The following APPBP2 variants were observed in gnomAD, a reference collection of about 807,000 sequenced individuals.
APPBP2 encodes amyloid beta precursor protein binding protein 2.
APPBP2 carries 15 observed loss-of-function variants against 76.0 expected under a neutral mutation model. The observed-to-expected ratio is 0.20, with a 90% CI of 0.13 to 0.30. APPBP2 has a LOEUF of 0.30. APPBP2 is among the 10% of genes least tolerant of loss of function. The probability of loss-of-function intolerance (pLI) is 1.00; values close to 1 mark genes in which losing one functional copy is unlikely to be tolerated. For missense variants in APPBP2, 401 were observed against 687.2 expected, an observed-to-expected ratio of 0.58 and a Z score of 4.66; for synonymous variants, 222 against 242.2, an observed-to-expected ratio of 0.92 and a Z score of 0.77.
intron 4 of APPBP2, 46 bp from the exon 5 acceptor site, chr17:60,466,505 T>G (rs2090512815): frequency 6.4e-7 from 1 of 1,566,020 alleles, no homozygotes; most frequent in African/African-American, 1.3e-5. Flanking sequence ...ATTTTCAGCT[T>G]GGTAGACCTG....
intron 1 of APPBP2, among the ~76,000 whole-genome samples, chr17:60,522,024 C>T (rs562152141): frequency 6.6e-6 from 1 of 152,288 alleles, no homozygotes; most frequent in African/African-American, 2.4e-5. Context: ...ACTATACCAT[C>T]TAGGCTTGTG....
At position 60,445,152 on chromosome 17, in the gene APPBP2, A is replaced by C. The variant is rs1000709161; in HGVS notation, c.*2429T>G. ...AGTCATATCCCTAACCAAAATGGCAATGTTTTCTTAAGCTAGAGTGTATGC... is the reference window on the plus strand; with the variant it reads ...AGTCATATCCCTAACCAAAATGGCACTGTTTTCTTAAGCTAGAGTGTATGC... On this transcript the variant is annotated 3_prime_UTR_variant, in exon 13 of 13. Coordinates refer to ENST00000083182, the MANE Select transcript of APPBP2 (RefSeq NM_006380.5). 18 of 152,498 alleles carry C rather than the reference A, an allele frequency of 1.2e-4. No homozygotes were observed. The highest frequency in any genetic ancestry group is 3.8e-4 in the African/African-American group (16 of 41,572). The allele number at this position is 152,498 out of a possible 1,614,324, so 9.4% of individuals were successfully genotyped here.
chr17:60,482,518 T>G (rs1197991424), intron 3 of APPBP2, among the ~76,000 whole-genome samples: 1 of 152,190 alleles, frequency 6.6e-6, no homozygotes, highest in Non-Finnish European at 1.5e-5. Flanking sequence ...ATGTGCCATG[T>G]TGGTTTGCTG....
intron 1 of APPBP2, among the ~76,000 whole-genome samples, chr17:60,524,760 T>C (rs1019590632): frequency 6.6e-6 from 1 of 152,100 alleles, no homozygotes; most frequent in African/African-American, 2.4e-5. Context: ...AACTTACAGA[T>C]CAAGAGGAAG....
chr17:60,464,338 A>G (rs1248542818), intron 5 of APPBP2, among the ~76,000 whole-genome samples: 2 of 152,230 alleles, frequency 1.3e-5, no homozygotes, highest in African/African-American at 2.4e-5. Context: ...GATACATGAC[A>G]TATCTTCTGG....
chr17:60,497,993 A>G (rs1178256746), intron 2 of APPBP2, among the ~76,000 whole-genome samples: 1 of 151,894 alleles, frequency 6.6e-6, no homozygotes, highest in Non-Finnish European at 1.5e-5. Context: ...ACAAAAAATT[A>G]CCCAGGCGTG....
chr17:60,519,490 G>A (rs1002386442), intron 1 of APPBP2, among the ~76,000 whole-genome samples: 1 of 149,190 alleles, frequency 6.7e-6, no homozygotes, highest in Non-Finnish European at 1.5e-5. Flanking sequence ...ATCTCCTACA[G>A]AAAGGAGAAA....
chr17:60,480,157 C>T (rs2090618445), intron 3 of APPBP2, among the ~76,000 whole-genome samples: 1 of 152,136 alleles, frequency 6.6e-6, no homozygotes, highest in Non-Finnish European at 1.5e-5. Context: ...ATTAAAAAAT[C>T]TCTGAAATTA....
At chr17:60,498,582 CAT>C (rs760732533) in intron 2 of APPBP2, among the ~76,000 whole-genome samples, 23 of 151,670 alleles carry the variant, frequency 1.5e-4, no homozygotes, top group Non-Finnish European at 1.2e-4. Flanking sequence ...AATAAAACAC[CAT>C]ATATATATAC....
At position 60,456,281 on chromosome 17, in the gene APPBP2, G is replaced by C. The variant is rs1161644746; in HGVS notation, c.1147+15C>G. 1.3e-6 allele frequency: 2 copies of C among 1,525,096 alleles called. No homozygotes were observed. Among genetic ancestry groups the C allele is most frequent in the Admixed American group, 1.7e-5 (1 of 59,580 alleles). The allele number at this position is 1,525,096 out of a possible 1,614,324, so 94.5% of individuals were successfully genotyped here. A position where few individuals can be genotyped will look rare whatever the true frequency, so the allele number is the denominator to read the frequency against. ...ATCTATTTTAAAATATCTGAGACTAGATTACAAAGGATACCTTTCACCCTC... is the reference window on the plus strand; with the variant it reads ...ATCTATTTTAAAATATCTGAGACTACATTACAAAGGATACCTTTCACCCTC... On this transcript the variant is annotated intron_variant, in intron 10 of 12. Transcript: ENST00000083182.
chr17:60,471,590 T>C lies in APPBP2; in HGVS notation c.504-5131A>G, dbSNP rs543981440. ...ACTGAGATAACTGGGTTTTTTTTTT[T>C]TCCCTTCATCCTATTAACATGGTGT... is the stretch of plus-strand genomic sequence containing the variant. On this transcript the variant is annotated intron_variant, in intron 4 of 12. Coordinates refer to ENST00000083182, the MANE Select transcript of APPBP2 (RefSeq NM_006380.5). Among the ~76,000 whole-genome samples, 94 of 152,296 alleles carry C rather than the reference T, an allele frequency of 6.2e-4. No homozygotes were observed. In the Middle Eastern group the frequency reaches 0.034, roughly 55 times the overall value.
At chr17:60,506,919 C>T (rs1003890733) in intron 1 of APPBP2, among the ~76,000 whole-genome samples, 1 of 152,020 alleles carries the variant, frequency 6.6e-6, no homozygotes, top group Non-Finnish European at 1.5e-5. Context: ...GCCTGTAGTC[C>T]CAGCTACTTG....
In APPBP2 at chr17:60,449,446, A is replaced by T. The variant is rs868332641; in HGVS notation, c.1505-1612T>A. Among the ~76,000 whole-genome samples the T allele has an allele frequency of 6.6e-5, 10 of 152,240 alleles. 1 individual carries two copies. Among genetic ancestry groups the T allele is most frequent in the Middle Eastern group, 3.4e-3 (1 of 294 alleles). On this transcript the variant is annotated intron_variant, in intron 12 of 12. Transcript: ENST00000083182. Reference sequence around the variant, plus strand: ...GCCTCTACTAAAAAAATACAAAAAAATTATCCAGGTGTGGTGGTGTGCATC... The same window carrying T: ...GCCTCTACTAAAAAAATACAAAAAATTTATCCAGGTGTGGTGGTGTGCATC...
rs111398657 is a variant in APPBP2 at position 60,479,921 on chromosome 17, G to A, written c.380-650C>T. On this transcript the variant is annotated intron_variant, in intron 3 of 12. Transcript: ENST00000083182. ...CTTCGACTTAAATAACTGCCCCAAC[G>A]TAACAGATGAAAACACTTGAGTCAC... is the stretch of plus-strand genomic sequence containing the variant. 9.7e-4 allele frequency among the ~76,000 whole-genome samples: 148 copies of A among 152,174 alleles called. 1 individual carries two copies. Among genetic ancestry groups the A allele is most frequent in the South Asian group, 3.1e-3 (15 of 4,816 alleles).
At chr17:60,484,244 G>C (rs140771627) in intron 3 of APPBP2, among the ~76,000 whole-genome samples, 8,289 of 152,174 alleles carry the variant, frequency 0.054, 735 homozygotes, top group African/African-American at 0.19. Context: ...CTTTAGAGTA[G>C]TTTTTTCCAA....
intron 3 of APPBP2, among the ~76,000 whole-genome samples, chr17:60,485,955 T>C (rs918692995): frequency 1.3e-5 from 2 of 152,226 alleles, no homozygotes; most frequent in Non-Finnish European, 2.9e-5. Flanking sequence ...TTTCGTTATT[T>C]ACCCAGTAGT....
At chr17:60,525,281 T>C (rs1047682769) in intron 1 of APPBP2, among the ~76,000 whole-genome samples, 2 of 152,116 alleles carry the variant, frequency 1.3e-5, no homozygotes, top group Non-Finnish European at 2.9e-5. Context: ...CAATAATCCC[T>C]AACTCCTTCC....
chr17:60,471,366 G>C (rs1019272309), intron 4 of APPBP2, among the ~76,000 whole-genome samples: 1 of 152,114 alleles, frequency 6.6e-6, no homozygotes, highest in African/African-American at 2.4e-5. Context: ...TACCACTAGT[G>C]AAAGCAGGCA....
chr17:60,483,191 T>C (rs139774355), intron 3 of APPBP2, among the ~76,000 whole-genome samples: 144 of 152,362 alleles, frequency 9.5e-4, no homozygotes, highest in African/African-American at 3.3e-3. Flanking sequence ...ATGATGAGTA[T>C]TTTTTCATGT....
Sources: allele counts gnomAD v4.1 joint callset (sites outside exome capture counted in the v4.1 genomes callset), GRCh38; gene constraint gnomAD v4.1.1; transcripts MANE v1.5; gene names NCBI Gene and HGNC (gene_info 2026-07-23, HGNC 2026-07-21).